PRELID3B: variants seen among roughly 807,000 people sequenced by gnomAD.
PRELID3B encodes the protein PRELI domain containing 3B.
PRELID3B carries 15 observed loss-of-function variants against 24.0 expected under a neutral mutation model. That is an observed-to-expected ratio of 0.63 (90% CI 0.42 to 0.96). The LOEUF (loss-of-function observed/expected upper bound fraction) is 0.96. Among genes scored for constraint, PRELID3B ranks in the 40% least tolerant of loss-of-function variants. PRELID3B has a pLI of 0.00. For missense variants in PRELID3B, 189 were observed against 236.0 expected, an observed-to-expected ratio of 0.80 and a Z score of 1.30; for synonymous variants, 62 against 76.0, an observed-to-expected ratio of 0.82 and a Z score of 0.96.
rs1430583530 is a variant in PRELID3B, at chr20:59,040,628, T to C, written c.33-1994A>G. On this transcript the variant is annotated intron_variant, in intron 1 of 5. Coordinates refer to ENST00000355937, the MANE Select transcript of PRELID3B (RefSeq NM_016045.3). This position sits in a 1 kb window ranked among gnomAD's most constrained non-coding sequence, Gnocchi z 4.1. ...AAGATGTAGAATGATGACTTAGACA[T>C]TGTTAGAGAGTGACATCCTAAAGAT... 6.6e-6 allele frequency among the ~76,000 whole-genome samples: 1 copy of C among 152,188 alleles called. No homozygotes were observed. Among genetic ancestry groups the C allele is most frequent in the Admixed American group, 6.5e-5 (1 of 15,282 alleles).
chr20:59,041,262 T>C (rs532398721), intron 1 of PRELID3B, among the ~76,000 whole-genome samples: 6 of 152,324 alleles, frequency 3.9e-5, no homozygotes, highest in African/African-American at 1.4e-4. Context: ...AATGAACATC[T>C]AAATGACCAC....
intron 1 of PRELID3B, 74 bp from the exon 2 acceptor site, chr20:59,038,708 T>G: frequency 6.8e-7 from 1 of 1,473,102 alleles, no homozygotes; most frequent in Non-Finnish European, 9.0e-7. Context: ...TAAACAATTT[T>G]TATAATCTAT....
rs1462934006 is a variant in PRELID3B at position 59,033,194 on chromosome 20, T to C, written c.*1813A>G. The C allele has an allele frequency of 6.6e-6, 1 of 152,242 alleles. No individual in the cohort carries two copies. The highest frequency in any genetic ancestry group is 2.4e-5 in the African/African-American group (1 of 41,468). 9.4% of individuals were successfully genotyped at this position (152,242 alleles called of 1,614,324 possible). On this transcript the variant is annotated 3_prime_UTR_variant, in exon 6 of 6. Coordinates refer to ENST00000355937, the MANE Select transcript of PRELID3B (RefSeq NM_016045.3). ...ACAAAAGTTTTCCTTAATTCACATT[T>C]CAACTTTATTAAATAGTCCAAGGGT...
In PRELID3B at chr20:59,033,789, T is replaced by G. The variant is rs1187821453; in HGVS notation, c.*1218A>C. 1 of 152,208 alleles carries G rather than the reference T, an allele frequency of 6.6e-6. No individual in the cohort carries two copies. The highest frequency in any genetic ancestry group is 2.4e-5 in the African/African-American group (1 of 41,452). The allele number at this position is 152,208 out of a possible 1,614,324, so 9.4% of individuals were successfully genotyped here. On this transcript the variant is annotated 3_prime_UTR_variant, in exon 6 of 6. Coordinates refer to ENST00000355937, the MANE Select transcript of PRELID3B (RefSeq NM_016045.3). ...CAATTGCAAATGTCAAAGCTATTATTTAGTAGTTAATTGCCTGCTACAATA... is the reference window on the plus strand; with the variant it reads ...CAATTGCAAATGTCAAAGCTATTATGTAGTAGTTAATTGCCTGCTACAATA...
chr20:59,042,626 C>G (rs1410427122), intron 1 of PRELID3B, 73 bp downstream of exon 1: 2 of 1,516,324 alleles, frequency 1.3e-6, no homozygotes, highest in Middle Eastern at 1.7e-4. Flanking sequence ...TCCTGCGGGC[C>G]GCCTCTGCCT....
chr20:59,037,541 G>A (rs1374391819), intron 2 of PRELID3B, among the ~76,000 whole-genome samples: 4 of 152,226 alleles, frequency 2.6e-5, no homozygotes, highest in Admixed American at 2.0e-4. Flanking sequence ...GAGGCAGCAC[G>A]CTGAATCTGC....
chr20:59,037,383 C>G, intron 2 of PRELID3B, 103 bp from the exon 3 acceptor site: 1 of 919,672 alleles, frequency 1.1e-6, no homozygotes, highest in Non-Finnish European at 1.7e-6. Flanking sequence ...TATTTTGAAC[C>G]AAAAATCTGT....
chr20:59,038,835 C>A (rs2092092974), intron 1 of PRELID3B, among the ~76,000 whole-genome samples: 1 of 152,042 alleles, frequency 6.6e-6, no homozygotes, highest in Non-Finnish European at 1.5e-5. Context: ...TATTTTTCCA[C>A]AATACAGGCT....
intron 1 of PRELID3B, 87 bp from the exon 2 acceptor site, chr20:59,038,721 A>G: frequency 6.9e-7 from 1 of 1,440,034 alleles, no homozygotes. Context: ...TAATCTATCA[A>G]ATCATTCATT....
chr20:59,041,314 G>A (rs1227143935), intron 1 of PRELID3B, among the ~76,000 whole-genome samples: 2 of 152,166 alleles, frequency 1.3e-5, no homozygotes, highest in Non-Finnish European at 2.9e-5. Flanking sequence ...TAAACAGTAG[G>A]GGGAAAAGAA....
chr20:59,038,648 CCAA>C lies in PRELID3B; in HGVS notation c.33-17_33-15del. Reference sequence around the variant, plus strand: ...TCCCACGGGTGGCTGCCGATGTGAACCAAAAAAAAAAAAAAAAAAATTCAGACA... The same window carrying C: ...TCCCACGGGTGGCTGCCGATGTGAACAAAAAAAAAAAAAAAAATTCAGACA... On this transcript the variant is annotated splice_polypyrimidine_tract_variant and intron_variant, in intron 1 of 5. Coordinates refer to ENST00000355937, the MANE Select transcript of PRELID3B (RefSeq NM_016045.3). The C allele has an allele frequency of 1.5e-5, 18 of 1,221,414 alleles. No individual in the cohort carries two copies. Among genetic ancestry groups the C allele is most frequent in the Admixed American group, 1.2e-4 (3 of 24,010 alleles). 75.7% of individuals were successfully genotyped at this position (1,221,414 alleles called of 1,614,324 possible).
In PRELID3B at chr20:59,038,736, T is replaced by C. The variant is rs1198542688; in HGVS notation, c.33-102A>G. On this transcript the variant is annotated intron_variant, in intron 1 of 5. Transcript: ENST00000355937. ...TAATCTATCAAATCATTCATTACAATGTAAGTTTAATGAGTTTACCTAGGA... is the reference window on the plus strand; with the variant it reads ...TAATCTATCAAATCATTCATTACAACGTAAGTTTAATGAGTTTACCTAGGA... 3 of 1,400,244 alleles carry C rather than the reference T, an allele frequency of 2.1e-6. No individual in the cohort carries two copies. In the Admixed American group the frequency reaches 7.6e-5, roughly 35 times the overall value. The allele number at this position is 1,400,244 out of a possible 1,614,324, so 86.7% of individuals were successfully genotyped here. A position where few individuals can be genotyped will look rare whatever the true frequency, so the allele number is the denominator to read the frequency against.
chr20:59,038,580 C>T lies in PRELID3B; in HGVS notation c.87G>A (p.Met29Ile), dbSNP rs953307558. The change falls in exon 2 of 6, where the codon ATG becomes ATA. Residue 29 changes from methionine to isoleucine, a missense_variant. Physicochemically the swap from Met to Ile is conservative, Grantham distance 10. Transcript: ENST00000355937. ...CATCAACTCCAACCACACTTGGGTT[C>T]ATAGGGTTTGGGTATTTCTGCATTG... ...TAAMQKYPNP[M>I]NPSVVGVDVL... 3.7e-6 allele frequency: 6 copies of T among 1,610,872 alleles called. No individual in the cohort carries two copies. In the African/African-American group the frequency reaches 6.8e-5, roughly 18 times the overall value.
At chr20:59,035,603 C>T (rs934951649) in intron 5 of PRELID3B, among the ~76,000 whole-genome samples, 6 of 152,242 alleles carry the variant, frequency 3.9e-5, no homozygotes, top group Non-Finnish European at 8.8e-5. Context: ...AGCTCCTCCA[C>T]CTAGAACACT....
chr20:59,042,651 G>C, intron 1 of PRELID3B, 48 bp downstream of exon 1: 1 of 1,563,334 alleles, frequency 6.4e-7, no homozygotes, highest in Non-Finnish European at 8.7e-7. Flanking sequence ...TCTACTCCAG[G>C]GCCGGCGTGC....
intron 2 of PRELID3B, among the ~76,000 whole-genome samples, chr20:59,037,633 A>G (rs1568697874): frequency 6.6e-6 from 1 of 152,248 alleles, no homozygotes; most frequent in South Asian, 2.1e-4. Context: ...AGGAGAACTC[A>G]AAGGCATCTG....
intron 2 of PRELID3B, among the ~76,000 whole-genome samples, chr20:59,037,505 C>T (rs1337393919): frequency 1.3e-5 from 2 of 152,212 alleles, no homozygotes; most frequent in Non-Finnish European, 2.9e-5. Flanking sequence ...AATTAGAAAC[C>T]AGCCCACTGA....
At chr20:59,042,613 GCCT>G in intron 1 of PRELID3B, 83 bp downstream of exon 1, 1 of 1,449,638 alleles carries the variant, frequency 6.9e-7, no homozygotes. Flanking sequence ...ACGCCTAGAA[GCCT>G]CCTGCGGGCC....
chr20:59,041,739 A>G (rs1323068719), intron 1 of PRELID3B, among the ~76,000 whole-genome samples: 1 of 152,152 alleles, frequency 6.6e-6, no homozygotes, highest in Non-Finnish European at 1.5e-5. Context: ...TGCCTCAAAA[A>G]AGAAATTTAA....
Sources: allele counts gnomAD v4.1 joint callset (sites outside exome capture counted in the v4.1 genomes callset), GRCh38; gene constraint gnomAD v4.1.1; non-coding constraint Gnocchi (gnomAD v3.1); transcripts MANE v1.5; gene names NCBI Gene and HGNC (gene_info 2026-07-23, HGNC 2026-07-21).